The following CEP55 variants were observed in gnomAD, a reference collection of about 807,000 sequenced individuals.
CEP55 encodes the protein centrosomal protein 55.
Under a neutral mutation model 63.2 loss-of-function variants are expected in CEP55, and 57 were observed. That is an observed-to-expected ratio of 0.90 (90% CI 0.73 to 1.13). The LOEUF (loss-of-function observed/expected upper bound fraction) is 1.13, where lower values mean the gene tolerates loss of function less well. Ranked by LOEUF, CEP55 falls within the 50% of genes most tolerant of loss-of-function variation. CEP55 has a pLI of 0.00. For synonymous variants in CEP55, 178 were observed against 191.6 expected (o/e 0.93, Z 0.59); for missense variants, 456 against 518.9 (o/e 0.88, Z 1.18).
At chr10:93,519,624 T>G in intron 7 of CEP55, 58 bp from the exon 8 acceptor site, 7 of 1,564,008 alleles carry the variant, frequency 4.5e-6, no homozygotes, top group Non-Finnish European at 6.0e-6. Flanking sequence ...GAGCATCCAG[T>G]CAAGAGAACT....
intron 1 of CEP55, among the ~76,000 whole-genome samples, chr10:93,497,742 C>T (rs1394498632): frequency 2.0e-5 from 3 of 151,490 alleles, no homozygotes; most frequent in African/African-American, 7.3e-5. Flanking sequence ...GCAGCTATAT[C>T]GTTTGTTAAG....
At chr10:93,499,454 CA>C (rs1195766867) in intron 1 of CEP55, among the ~76,000 whole-genome samples, 2 of 150,502 alleles carry the variant, frequency 1.3e-5, no homozygotes, top group Non-Finnish European at 3.0e-5. Flanking sequence ...AACTTTTCCA[CA>C]AAAGAATTAC....
At chr10:93,504,617 G>A (rs1256987045) in intron 3 of CEP55, among the ~76,000 whole-genome samples, 1 of 152,112 alleles carries the variant, frequency 6.6e-6, no homozygotes, top group Non-Finnish European at 1.5e-5. Flanking sequence ...TCATAGATGG[G>A]CGTTTGAGTG....
intron 8 of CEP55, among the ~76,000 whole-genome samples, chr10:93,524,494 G>A (rs533968042): frequency 3.3e-5 from 5 of 152,230 alleles, no homozygotes; most frequent in East Asian, 3.9e-4. Context: ...ATTCACAGCC[G>A]AATTCTACCA....
chr10:93,514,833 C>A (rs1194227645), intron 4 of CEP55, among the ~76,000 whole-genome samples: 1 of 152,166 alleles, frequency 6.6e-6, no homozygotes, highest in Non-Finnish European at 1.5e-5. Context: ...AGTGCAGGGG[C>A]ATGATCTCAG....
At chr10:93,526,616 T>C (rs2057925203) in intron 8 of CEP55, among the ~76,000 whole-genome samples, 2 of 152,210 alleles carry the variant, frequency 1.3e-5, no homozygotes, top group Non-Finnish European at 2.9e-5. Flanking sequence ...ATCATGCTGC[T>C]ATAAAGACAC....
At chr10:93,523,946 A>G (rs1393238070) in intron 8 of CEP55, among the ~76,000 whole-genome samples, 1 of 152,258 alleles carries the variant, frequency 6.6e-6, no homozygotes, top group African/African-American at 2.4e-5. Context: ...AGCAGTGTGT[A>G]GAGGGAAATT....
Position 93,515,559 on chromosome 10 carries a change from C to T in CEP55, c.679+4C>T, listed in dbSNP as rs1188310262. On this transcript the variant is annotated splice_donor_region_variant and intron_variant, in intron 5 of 8. Coordinates refer to ENST00000371485, the MANE Select transcript of CEP55 (RefSeq NM_018131.5). ...ACAAAAAAGCCTGAATCAGAAGGTACTGACTGGTATAAAAATGTTCTCTAG... is the reference window on the plus strand; with the variant it reads ...ACAAAAAAGCCTGAATCAGAAGGTATTGACTGGTATAAAAATGTTCTCTAG... 1 of 1,600,024 alleles carries T rather than the reference C, an allele frequency of 6.2e-7. No individual in the cohort carries two copies. Among genetic ancestry groups the T allele is most frequent in the African/African-American group, 1.3e-5 (1 of 74,392 alleles).
rs763070570 is a variant in CEP55, at chr10:93,528,086, G to T, written c.1328G>T (p.Cys443Phe). The change falls in exon 9 of 9, where the codon TGC becomes TTC. Residue 443 changes from cysteine to phenylalanine, a missense_variant. Transcript: ENST00000371485. Reference sequence around the variant, plus strand: ...GAAAGCCTGGTGGAATGTCCCAAGTGCAATATACAGTATCCAGCCACTGAG... The same window carrying T: ...GAAAGCCTGGTGGAATGTCCCAAGTTCAATATACAGTATCCAGCCACTGAG... The part of the protein sequence containing the change: ...LNESLVECPK[C>F]NIQYPATEHR... 1.5e-5 allele frequency: 24 copies of T among 1,614,040 alleles called. No homozygotes were observed. Among genetic ancestry groups the T allele is most frequent in the Non-Finnish European group, 2.0e-5 (24 of 1,179,988 alleles).
intron 4 of CEP55, among the ~76,000 whole-genome samples, chr10:93,508,154 T>C (rs2057707570): frequency 1.3e-5 from 2 of 152,240 alleles, no homozygotes; most frequent in South Asian, 4.1e-4. Context: ...AGCTGTATTA[T>C]TGCAAACTGA....
intron 3 of CEP55, among the ~76,000 whole-genome samples, chr10:93,505,217 G>T (rs535518944): frequency 4.6e-5 from 7 of 152,340 alleles, no homozygotes; most frequent in South Asian, 2.1e-4. Context: ...ACTTCCAAAT[G>T]TCAGTGTCTT....
chr10:93,528,778 A>G lies in CEP55; in HGVS notation c.*625A>G, dbSNP rs2057951013. On this transcript the variant is annotated 3_prime_UTR_variant, in exon 9 of 9. Transcript: ENST00000371485. ...GTTTGAGGCATAATCTTAAGTGGCC[A>G]CACACAATGTTTTCTCTTATGTTAT... The G allele has an allele frequency of 1.3e-5, 2 of 152,326 alleles. No homozygotes were observed. The highest frequency in any genetic ancestry group is 1.9e-4 in the East Asian group (1 of 5,204). The allele number at this position is 152,326 out of a possible 1,614,324, so 9.4% of individuals were successfully genotyped here.
chr10:93,512,894 A>AC (rs1180287574), intron 4 of CEP55, among the ~76,000 whole-genome samples: 1 of 152,288 alleles, frequency 6.6e-6, no homozygotes, highest in African/African-American at 2.4e-5. Flanking sequence ...TTCACTGATT[A>AC]TTTTTCCCAA....
chr10:93,500,056 C>T lies in CEP55; in HGVS notation c.5C>T (p.Ser2Phe), dbSNP rs1012047533. MSSRSTKDLIKS... is the reference protein window; with the variant it reads MFSRSTKDLIKS... ...TTTTTACAGACCATTTCAGAGATGT[C>T]TTCCAGAAGTACCAAAGATTTAATT... Residue 2 changes from serine to phenylalanine, a missense_variant, in exon 2 of 9, where the codon TCT becomes TTT. Coordinates refer to ENST00000371485, the MANE Select transcript of CEP55 (RefSeq NM_018131.5). 52 of 1,601,462 alleles carry T rather than the reference C, an allele frequency of 3.2e-5. No homozygotes were observed. The highest frequency in any genetic ancestry group is 4.4e-5 in the Non-Finnish European group (52 of 1,175,436).
At position 93,504,020 on chromosome 10, in the gene CEP55, A is replaced by C. The variant is rs2057662517; in HGVS notation, c.459+632A>C. ...TAAGCTAAACCTGAGTTTCCACATCAGTAAAATCAGGATAGGAATAGTGAG... is the reference window on the plus strand; with the variant it reads ...TAAGCTAAACCTGAGTTTCCACATCCGTAAAATCAGGATAGGAATAGTGAG... On this transcript the variant is annotated intron_variant, in intron 3 of 8. Transcript: ENST00000371485. 3.3e-5 allele frequency among the ~76,000 whole-genome samples: 5 copies of C among 151,730 alleles called. No individual in the cohort carries two copies. The South Asian group carries it at 1.0e-3, about 32-fold the overall frequency.
At chr10:93,520,079 G>T in intron 8 of CEP55, 2 of 448,186 alleles carry the variant, frequency 4.5e-6, no homozygotes, top group Non-Finnish European at 4.1e-6. Flanking sequence ...GGGTCAAAAG[G>T]GTAGAATAGA....
At chr10:93,519,027 G>A in intron 7 of CEP55, 79 bp downstream of exon 7, 3 of 1,050,208 alleles carry the variant, frequency 2.9e-6, no homozygotes, top group Non-Finnish European at 4.4e-6. Flanking sequence ...GCTGTTCTAT[G>A]GAGAACTGTT....
At chr10:93,527,104 A>G (rs149895679) in intron 8 of CEP55, among the ~76,000 whole-genome samples, 1 of 152,012 alleles carries the variant, frequency 6.6e-6, no homozygotes, top group East Asian at 1.9e-4. Flanking sequence ...AAGAATTTGT[A>G]ATTTTCCTGT....
intron 4 of CEP55, among the ~76,000 whole-genome samples, chr10:93,511,751 C>T (rs1314420623): frequency 1.3e-5 from 2 of 151,752 alleles, no homozygotes; most frequent in Admixed American, 6.6e-5. Context: ...CACTGGCGCC[C>T]GCCACCATAC....
Sources: allele counts gnomAD v4.1 joint callset (sites outside exome capture counted in the v4.1 genomes callset), GRCh38; gene constraint gnomAD v4.1.1; transcripts MANE v1.5; gene names NCBI Gene and HGNC (gene_info 2026-07-23, HGNC 2026-07-21).